Variants in LRP1 observed in about 807,000 individuals in gnomAD.
LRP1 encodes prolow-density lipoprotein receptor-related protein 1.
In LRP1, 51 loss-of-function variants were observed where a neutral mutation model predicts 541.5. The observed-to-expected ratio is 0.09, with a 90% CI of 0.08 to 0.12. The LOEUF (loss-of-function observed/expected upper bound fraction) is 0.12, where lower values mean the gene tolerates loss of function less well. Ranked by LOEUF, LRP1 falls within the 10% of genes least tolerant of loss-of-function variation. The pLI is 1.00. For synonymous variants in LRP1, 2,219 were observed against 2,470.8 expected (o/e 0.90, Z 3.02); for missense variants, 3,878 against 6,376.2 (o/e 0.61, Z 13.34).
Position 57,190,882 on chromosome 12 carries a change from C to G in LRP1, c.7109C>G (p.Thr2370Ser), listed in dbSNP as rs1252448246. 6.2e-7 allele frequency: 1 copy of G among 1,613,864 alleles called. No homozygotes were observed. Among genetic ancestry groups the G allele is most frequent in the African/African-American group, 1.3e-5 (1 of 74,926 alleles). ...RAALSGANVLTLIEKDIRTPN... is the reference protein window; with the variant it reads ...RAALSGANVLSLIEKDIRTPN... Reference sequence around the variant, plus strand: ...GCGCTCTCGGGAGCCAATGTCCTGACCCTTATCGAGAAGGACATCCGTACC... The same window carrying G: ...GCGCTCTCGGGAGCCAATGTCCTGAGCCTTATCGAGAAGGACATCCGTACC... The change falls in exon 43 of 89, where the codon ACC (threonine) becomes AGC (serine). Residue 2370 changes from threonine to serine, a missense_variant. Thr to Ser is a moderately conservative substitution (Grantham distance 58). Coordinates refer to ENST00000243077, the MANE Select transcript of LRP1 (RefSeq NM_002332.3).
rs531857630 is a variant in LRP1, at chr12:57,197,017, C to G, written c.8928C>G (p.Asp2976Glu). The change falls in exon 56 of 89, where the codon GAC (aspartate) becomes GAG (glutamate). Residue 2976 changes from aspartate (D) to glutamate (E), a missense_variant. Transcript: ENST00000243077. This position sits in a 1 kb window ranked among gnomAD's most constrained non-coding sequence, Gnocchi z 4.5. ...RCRPGFRLKD[D>E]GRTCADVDEC... ...GCCCTGGCTTCCGGCTGAAGGACGA[C>G]GGCCGGACGTGTGCTGATGTGGACG... 3 of 1,613,502 alleles carry G rather than the reference C, an allele frequency of 1.9e-6. No homozygotes were observed. The highest frequency in any genetic ancestry group is 4.5e-5 in the East Asian group (2 of 44,878).
Position 57,209,006 on chromosome 12 carries a change from G to A in LRP1, c.12146-77G>A, listed in dbSNP as rs563072681. 1.5e-5 allele frequency: 19 copies of A among 1,261,912 alleles called. 1 individual carries two copies. The Middle Eastern group carries it at 6.6e-4, about 44-fold the overall frequency. 78.2% of individuals were successfully genotyped at this position (1,261,912 alleles called of 1,614,324 possible). A position where few individuals can be genotyped will look rare whatever the true frequency, so the allele number is the denominator to read the frequency against. ...CGTATGAACAGGGTGGAGCTGTCCC[G>A]GGCATGGAGGCAGTTCTTTCCACCC... On this transcript the variant is annotated intron_variant, in intron 78 of 88. Coordinates refer to ENST00000243077, the MANE Select transcript of LRP1 (RefSeq NM_002332.3).
In LRP1 at chr12:57,210,325, GT is replaced by G; in HGVS notation, c.12600del (p.Cys4200Ter). On this transcript the variant is annotated frameshift_variant, in exon 82 of 89. Transcript: ENST00000243077. LOFTEE classifies it high-confidence loss of function. The stretch of plus-strand genomic sequence containing the variant: ...CCTGCAGCTCCCCGGCCTGGAACCT[GT>G]AACCTGCAGTGCTTCAACGGTGGCA... ...PPPDAPRPGT[C>X]NLQCFNGGSC... The G allele has an allele frequency of 6.4e-7, 1 of 1,566,336 alleles. No homozygotes were observed. The highest frequency in any genetic ancestry group is 8.7e-7 in the Non-Finnish European group (1 of 1,154,490).
intron 70 of LRP1, 144 bp downstream of exon 70, chr12:57,203,665 T>C: frequency 9.2e-7 from 1 of 1,086,288 alleles, no homozygotes; most frequent in Non-Finnish European, 1.3e-6. Flanking sequence ...TACCAGGCAC[T>C]GCCATAGGTG....
intron 41 of LRP1, 93 bp from the exon 42 acceptor site, chr12:57,187,174 A>G (rs1455377728): frequency 7.5e-7 from 1 of 1,332,952 alleles, no homozygotes. Context: ...CCTTCCAGCC[A>G]GGAGAGCACC....
chr12:57,130,852 C>G (rs2035023980), intron 1 of LRP1, among the ~76,000 whole-genome samples: 1 of 152,124 alleles, frequency 6.6e-6, no homozygotes, highest in African/African-American at 2.4e-5. Context: ...AATGTTCACC[C>G]ACGCCCCCTC....
At chr12:57,186,018 A>G in intron 41 of LRP1, 110 bp downstream of exon 41, 1 of 1,292,616 alleles carries the variant, frequency 7.7e-7, no homozygotes, top group South Asian at 1.5e-5. Flanking sequence ...CCCAGCAGCT[A>G]CAACTCAGCT....
Position 57,195,701 on chromosome 12 carries a change from C to A in LRP1, c.8481C>A (p.Asn2827Lys). 6.2e-7 allele frequency: 1 copy of A among 1,614,158 alleles called. No homozygotes were observed. The highest frequency in any genetic ancestry group is 8.5e-7 in the Non-Finnish European group (1 of 1,180,028). The change falls in exon 53 of 89, where the codon AAC becomes AAA. Residue 2827 changes from asparagine to lysine, a missense_variant. Asn to Lys is a moderately conservative substitution (Grantham distance 94). Around this residue, in one of 13 missense-constraint regions of LRP1, gnomAD observed 1,100 missense variants for 1,827.4 expected, o/e 0.60. Coordinates refer to ENST00000243077, the MANE Select transcript of LRP1 (RefSeq NM_002332.3). ...ACGACCGTGAGTTCATGTGCCAGAA[C>A]CGCCAGTGCATCCCCAAGCACTTCG... ...TCDDREFMCQ[N>K]RQCIPKHFVC...
intron 3 of LRP1, 94 bp downstream of exon 3, chr12:57,141,605 A>C: frequency 6.7e-7 from 1 of 1,495,526 alleles, no homozygotes; most frequent in Non-Finnish European, 9.2e-7. Context: ...AGTGGGGATG[A>C]GGCCTTGTCC....
In LRP1 at chr12:57,156,397, G is replaced by A. The variant is rs1406965403; in HGVS notation, c.1417+114G>A. The A allele has an allele frequency of 2.7e-6, 3 of 1,109,102 alleles. No homozygotes were observed. Among genetic ancestry groups the A allele is most frequent in the East Asian group, 5.2e-5 (2 of 38,432 alleles). 68.7% of individuals were successfully genotyped at this position (1,109,102 alleles called of 1,614,324 possible). On this transcript the variant is annotated intron_variant, in intron 9 of 88. Transcript: ENST00000243077. The surrounding 1 kb of genome is among the most constrained non-coding windows in gnomAD (Gnocchi z 5.2). Reference sequence around the variant, plus strand: ...CTGTGGGGACCCTGGCTTCTTTCATGTCATGACCGATTCTCCTAGCCAGCC... The same window carrying A: ...CTGTGGGGACCCTGGCTTCTTTCATATCATGACCGATTCTCCTAGCCAGCC...
intron 10 of LRP1, among the ~76,000 whole-genome samples, chr12:57,157,355 A>C (rs1340158656): frequency 1.3e-5 from 2 of 152,230 alleles, no homozygotes; most frequent in Non-Finnish European, 1.5e-5. Flanking sequence ...TTATGCCTGT[A>C]ATCTCAGCAC....
At chr12:57,208,302 C>G in intron 77 of LRP1, 86 bp downstream of exon 77, 1 of 1,408,768 alleles carries the variant, frequency 7.1e-7, no homozygotes, top group Non-Finnish European at 9.7e-7. Context: ...ACATGCGTGC[C>G]CTTCCCTCCC....
At chr12:57,149,305 C>T in intron 6 of LRP1, 2 of 433,388 alleles carry the variant, frequency 4.6e-6, no homozygotes, top group Non-Finnish European at 8.1e-6. Flanking sequence ...GGCACTTTTG[C>T]TTCCCATTCC....
chr12:57,143,951 G>C (rs890556308), intron 4 of LRP1, among the ~76,000 whole-genome samples, 153 bp downstream of exon 4: 1 of 152,252 alleles, frequency 6.6e-6, no homozygotes, highest in Admixed American at 6.5e-5. Flanking sequence ...GGGCATGACT[G>C]TGAGCCCTAA....
intron 1 of LRP1, among the ~76,000 whole-genome samples, chr12:57,136,041 C>T (rs1024384894): frequency 3.9e-5 from 6 of 152,218 alleles, no homozygotes; most frequent in African/African-American, 1.2e-4. Flanking sequence ...CTCTGAGTCC[C>T]ATTCCAGCCC....
Position 57,158,556 on chromosome 12 carries a change from C to T in LRP1, c.1716C>T (p.Phe572=), listed in dbSNP as rs774928165. The change falls in exon 11 of 89, where the codon TTC becomes TTT. Residue 572 remains phenylalanine, a synonymous_variant. Transcript: ENST00000243077. The surrounding 1 kb of genome is among the most constrained non-coding windows in gnomAD (Gnocchi z 5.3). ...TGGACTTCCACGCTGAGACCGGCTTCATCTACTTTGCCGACACCACCAGCT... is the reference window on the plus strand; with the variant it reads ...TGGACTTCCACGCTGAGACCGGCTTTATCTACTTTGCCGACACCACCAGCT... ...RALDFHAETG[F]IYFADTTSYL... The T allele has an allele frequency of 4.3e-6, 7 of 1,614,196 alleles. No individual in the cohort carries two copies. The highest frequency in any genetic ancestry group is 4.5e-5 in the East Asian group (2 of 44,876).
chr12:57,204,294 T>G lies in LRP1; in HGVS notation c.10952-116T>G. On this transcript the variant is annotated intron_variant, in intron 70 of 88. Coordinates refer to ENST00000243077, the MANE Select transcript of LRP1 (RefSeq NM_002332.3). The surrounding 1 kb of genome is among the most constrained non-coding windows in gnomAD (Gnocchi z 5.3). Reference sequence around the variant, plus strand: ...GAAATTTAAGAGACCTGGTTCCAATTTGGCTGTGCCACTGCTTGCCTGGTG... The same window carrying G: ...GAAATTTAAGAGACCTGGTTCCAATGTGGCTGTGCCACTGCTTGCCTGGTG... 2 of 1,237,172 alleles carry G rather than the reference T, an allele frequency of 1.6e-6. No individual in the cohort carries two copies. The highest frequency in any genetic ancestry group is 3.0e-5 in the African/African-American group (2 of 66,854). 76.6% of individuals were successfully genotyped at this position (1,237,172 alleles called of 1,614,324 possible).
intron 42 of LRP1, 53 bp downstream of exon 42, chr12:57,187,509 G>A (rs2036293948): frequency 3.2e-6 from 5 of 1,559,106 alleles, no homozygotes; most frequent in Admixed American, 3.5e-5. Context: ...ACTCGGGGTG[G>A]CAGAAACTCC....
rs1331400153 is a variant in LRP1, at chr12:57,204,637, G to A, written c.11082G>A (p.Val3694=). 2 of 1,613,930 alleles carry A rather than the reference G, an allele frequency of 1.2e-6. No individual in the cohort carries two copies. Among genetic ancestry groups the A allele is most frequent in the Admixed American group, 3.3e-5 (2 of 60,014 alleles). ...DENPEECARF[V]CPPNRPFRCK... ...CCCTGGCTGCTGCAGCCCGGTTCGT[G>A]TGCCCTCCCAACCGGCCCTTCCGTT... The change falls in exon 72 of 89, where the codon GTG becomes GTA. Residue 3694 remains valine, a synonymous_variant. Transcript: ENST00000243077. The surrounding 1 kb of genome is among the most constrained non-coding windows in gnomAD (Gnocchi z 5.3).
Sources: gnomAD v4.1 joint callset for allele counts (sites outside exome capture counted in the v4.1 genomes callset) on GRCh38, gnomAD v4.1.1 for gene constraint, gnomAD v4.1.1 regional missense constraint, Gnocchi (gnomAD v3.1) non-coding constraint, MANE v1.5 for transcripts, NCBI Gene and HGNC (gene_info 2026-07-23, HGNC 2026-07-21) for gene names.